The following SH3GL2 variants were observed in gnomAD, a reference collection of about 807,000 sequenced individuals.
The protein encoded by SH3GL2 is endophilin-A1.
SH3GL2 carries 24 observed loss-of-function variants against 46.0 expected under a neutral mutation model. The observed-to-expected ratio is 0.52, with a 90% CI of 0.38 to 0.73. The LOEUF (loss-of-function observed/expected upper bound fraction) is 0.73, where lower values mean the gene tolerates loss of function less well. SH3GL2 is among the 30% of genes least tolerant of loss of function. The probability of loss-of-function intolerance (pLI) is 0.00; values close to 1 mark genes in which losing one functional copy is unlikely to be tolerated. For synonymous variants in SH3GL2, 196 were observed against 147.1 expected (o/e 1.33, Z -2.40); for missense variants, 413 against 424.2 (o/e 0.97, Z 0.23).
intron 2 of SH3GL2, among the ~76,000 whole-genome samples, chr9:17,753,299 G>A (rs752878608): frequency 1.6e-4 from 24 of 152,160 alleles, no homozygotes; most frequent in Non-Finnish European, 2.5e-4. Context: ...CTTCCACAAT[G>A]GTTGAACTAA....
intron 1 of SH3GL2, among the ~76,000 whole-genome samples, chr9:17,715,540 T>C (rs928231308): frequency 6.6e-5 from 10 of 151,994 alleles, no homozygotes; most frequent in African/African-American, 2.4e-4. Context: ...CATTTTTGGA[T>C]TGATTTTATT....
chr9:17,606,058 C>T (rs773337044), intron 1 of SH3GL2, among the ~76,000 whole-genome samples: 37 of 150,906 alleles, frequency 2.5e-4, no homozygotes, highest in Middle Eastern at 3.4e-3. Context: ...TCAACCTTGA[C>T]GGCGGGGTCA....
chr9:17,711,733 G>A (rs1821630415), intron 1 of SH3GL2, among the ~76,000 whole-genome samples: 1 of 151,740 alleles, frequency 6.6e-6, no homozygotes, highest in Non-Finnish European at 1.5e-5. Context: ...ATGTTGGGTT[G>A]TTTTCAGCTT....
Position 17,715,279 on chromosome 9 carries a change from G to T in SH3GL2, c.46-31787G>T, listed in dbSNP as rs1382093256. 4.0e-5 allele frequency among the ~76,000 whole-genome samples: 6 copies of T among 150,348 alleles called. No individual in the cohort carries two copies. The East Asian group carries it at 9.9e-4, about 25-fold the overall frequency. ...TGTTGTCCAGGCTGGTTATGAATAT[G>T]ATTTCCTTTGATGTAATTTGCCTAG... On this transcript the variant is annotated intron_variant, in intron 1 of 8. Coordinates refer to ENST00000380607, the MANE Select transcript of SH3GL2 (RefSeq NM_003026.5).
At chr9:17,709,658 A>T (rs1053617074) in intron 1 of SH3GL2, among the ~76,000 whole-genome samples, 1 of 144,820 alleles carries the variant, frequency 6.9e-6, no homozygotes, top group Non-Finnish European at 1.5e-5. Flanking sequence ...GTGTGTGTAT[A>T]TATAGTTTAA....
At chr9:17,715,700 A>G (rs969821534) in intron 1 of SH3GL2, among the ~76,000 whole-genome samples, 2 of 151,872 alleles carry the variant, frequency 1.3e-5, no homozygotes, top group Admixed American at 6.6e-5. Flanking sequence ...CTGTTCCTCA[A>G]CTCATAATGG....
At chr9:17,614,972 C>G (rs976421988) in intron 1 of SH3GL2, among the ~76,000 whole-genome samples, 2 of 152,218 alleles carry the variant, frequency 1.3e-5, no homozygotes, top group African/African-American at 4.8e-5. Flanking sequence ...TAGCCTCCAG[C>G]AACCACAGAG....
At chr9:17,763,596 A>C (rs1165406677) in intron 3 of SH3GL2, among the ~76,000 whole-genome samples, 1 of 152,176 alleles carries the variant, frequency 6.6e-6, no homozygotes, top group African/African-American at 2.4e-5. Flanking sequence ...GAGGGAACCA[A>C]CTTTGCCGAC....
intron 1 of SH3GL2, among the ~76,000 whole-genome samples, chr9:17,622,905 A>G (rs1819177227): frequency 6.6e-6 from 1 of 152,082 alleles, no homozygotes; most frequent in Admixed American, 6.5e-5. Context: ...GCTTGCTGTA[A>G]TATGGCAGAA....
intron 2 of SH3GL2, among the ~76,000 whole-genome samples, chr9:17,748,295 A>G (rs1026897221): frequency 2.0e-5 from 3 of 152,206 alleles, no homozygotes; most frequent in African/African-American, 7.2e-5. Context: ...GAGAGTAGCA[A>G]TCCTGTACTT....
At position 17,793,461 on chromosome 9, in the gene SH3GL2, G is replaced by T. The variant is rs146895243; in HGVS notation, c.823G>T (p.Gly275Trp). ...AACTGGAGACAGTACTCAGCCCAATGGGGGTCTCTCCCACACAGGCACTCC... is the reference window on the plus strand; with the variant it reads ...AACTGGAGACAGTACTCAGCCCAATTGGGGTCTCTCCCACACAGGCACTCC... ...FPTGDSTQPN[G>W]GLSHTGTPKP... The change falls in exon 8 of 9, where the codon GGG (glycine) becomes TGG (tryptophan). Residue 275 changes from glycine (G) to tryptophan (W), a missense_variant. Around this residue, in one of 3 missense-constraint regions of SH3GL2, gnomAD observed 248 missense variants for 215.0 expected, o/e 1.15. Transcript: ENST00000380607. The T allele has an allele frequency of 6.2e-7, 1 of 1,612,232 alleles. No homozygotes were observed. Among genetic ancestry groups the T allele is most frequent in the East Asian group, 2.2e-5 (1 of 44,786 alleles).
intron 3 of SH3GL2, among the ~76,000 whole-genome samples, chr9:17,777,207 CTG>C (rs988169663): frequency 1.3e-5 from 2 of 152,094 alleles, no homozygotes; most frequent in African/African-American, 2.4e-5. Flanking sequence ...AGTCAATAAA[CTG>C]TATATATTTT....
intron 1 of SH3GL2, among the ~76,000 whole-genome samples, chr9:17,588,608 A>G (rs541827432): frequency 6.6e-6 from 1 of 152,242 alleles, no homozygotes; most frequent in Admixed American, 6.5e-5. Flanking sequence ...AGCAGGGAAA[A>G]TAGGGATCTT....
At chr9:17,763,486 G>C (rs1277813962) in intron 3 of SH3GL2, among the ~76,000 whole-genome samples, 1 of 152,170 alleles carries the variant, frequency 6.6e-6, no homozygotes, top group Non-Finnish European at 1.5e-5. Context: ...GCCACGTGAA[G>C]AATGAGAAGA....
At chr9:17,677,478 C>T (rs1820641774) in intron 1 of SH3GL2, among the ~76,000 whole-genome samples, 1 of 152,014 alleles carries the variant, frequency 6.6e-6, no homozygotes, top group South Asian at 2.1e-4. Flanking sequence ...GCAACATTCC[C>T]CTTATGCATT....
intron 8 of SH3GL2, among the ~76,000 whole-genome samples, chr9:17,794,275 T>C (rs1824218883): frequency 6.6e-6 from 1 of 152,210 alleles, no homozygotes; most frequent in Non-Finnish European, 1.5e-5. Flanking sequence ...TTATACTGGA[T>C]GTGGATGTTA....
intron 3 of SH3GL2, among the ~76,000 whole-genome samples, chr9:17,779,307 T>A (rs1187097406): frequency 6.6e-6 from 1 of 152,124 alleles, no homozygotes; most frequent in Non-Finnish European, 1.5e-5. Flanking sequence ...TAGACAAGGA[T>A]TTTGTTTTTT....
intron 1 of SH3GL2, among the ~76,000 whole-genome samples, chr9:17,622,364 G>C (rs536024113): frequency 3.3e-5 from 5 of 152,248 alleles, no homozygotes; most frequent in African/African-American, 1.2e-4. Context: ...TCAGAAACCT[G>C]CCAGGGGCAG....
rs117801478 is a variant in SH3GL2, at chr9:17,768,616, G to C, written c.187+7107G>C. Among the ~76,000 whole-genome samples the C allele has an allele frequency of 4.9e-3, 741 of 152,068 alleles. 22 individuals are homozygous for C. In the East Asian group the frequency reaches 0.075, roughly 15 times the overall value. On this transcript the variant is annotated intron_variant, in intron 3 of 8. Coordinates refer to ENST00000380607, the MANE Select transcript of SH3GL2 (RefSeq NM_003026.5). Reference sequence around the variant, plus strand: ...CCTCTTGTTCACTCTGTGGCCTTTAGTTTCTTCAATTCCTCAAGTTCTTTG... The same window carrying C: ...CCTCTTGTTCACTCTGTGGCCTTTACTTTCTTCAATTCCTCAAGTTCTTTG...
Sources: gnomAD v4.1 joint callset for allele counts (sites outside exome capture counted in the v4.1 genomes callset) on GRCh38, gnomAD v4.1.1 for gene constraint, gnomAD v4.1.1 regional missense constraint, MANE v1.5 for transcripts, NCBI Gene and HGNC (gene_info 2026-07-23, HGNC 2026-07-21) for gene names.